PIK3C2G: variants seen among roughly 807,000 people sequenced by gnomAD.
The protein encoded by PIK3C2G is phosphatidylinositol 3-kinase C2 domain-containing subunit gamma.
In PIK3C2G, 168 loss-of-function variants were observed where a neutral mutation model predicts 181.1. The ratio of observed to expected loss-of-function variants is 0.93; its 90% CI spans 0.82 to 1.05. PIK3C2G has a LOEUF of 1.05. Ranked by LOEUF, PIK3C2G falls within the 50% of genes least tolerant of loss-of-function variation. The pLI is 0.00. For missense variants in PIK3C2G, 1,869 were observed against 1,732.8 expected, an observed-to-expected ratio of 1.08 and a Z score of -1.40; for synonymous variants, 573 against 592.2, an observed-to-expected ratio of 0.97 and a Z score of 0.47.
the PIK3C2G span, among the ~76,000 whole-genome samples, chr12:18,671,187 TAA>T: frequency 1.2e-4 from 16 of 134,080 alleles, no homozygotes; most frequent in Admixed American, 2.3e-4. Flanking sequence ...AGACTCCATC[TAA>T]AAAAAAAAAA....
At chr12:18,603,076 G>A (rs12823681) in intron 30 of PIK3C2G, among the ~76,000 whole-genome samples, 23,238 of 152,142 alleles carry the variant, frequency 0.15, 1,783 homozygotes, top group African/African-American at 0.18. Flanking sequence ...AAGCTAATCA[G>A]GGAAAGACCA....
intron 29 of PIK3C2G, among the ~76,000 whole-genome samples, chr12:18,583,528 C>T (rs1447117686): frequency 6.6e-6 from 1 of 151,912 alleles, no homozygotes; most frequent in Non-Finnish European, 1.5e-5. Context: ...GTTTTGCAGC[C>T]CTTGTCCTGC....
intron 31 of PIK3C2G, among the ~76,000 whole-genome samples, chr12:18,630,164 G>A (rs1949289358): frequency 6.6e-6 from 1 of 152,056 alleles, no homozygotes; most frequent in African/African-American, 2.4e-5. Flanking sequence ...ATAATCCCAG[G>A]CAGATTCCTT....
chr12:18,545,986 C>G lies in PIK3C2G; in HGVS notation c.3481-337C>G, dbSNP rs1048091717. On this transcript the variant is annotated intron_variant, in intron 25 of 32. Transcript: ENST00000538779. The stretch of plus-strand genomic sequence containing the variant: ...AGGTTAAGGAACTTTCTCAAAATCA[C>G]ATAGATTTTAAATGATGGGTCCACA... Among the ~76,000 whole-genome samples, 3 of 151,928 alleles carry G rather than the reference C, an allele frequency of 2.0e-5. No homozygotes were observed. In the East Asian group the frequency reaches 5.8e-4, roughly 30 times the overall value.
intron 18 of PIK3C2G, among the ~76,000 whole-genome samples, chr12:18,445,175 C>T (rs1289970008): frequency 6.6e-6 from 1 of 151,852 alleles, no homozygotes; most frequent in East Asian, 1.9e-4. Flanking sequence ...AATTCAGAGA[C>T]TTTTTTATAT....
At chr12:18,699,710 T>A in the PIK3C2G span, 4 of 1,352,202 alleles carry the variant, frequency 3.0e-6, no homozygotes, top group Non-Finnish European at 4.2e-6. Context: ...ATACATTTTA[T>A]AAATATCATT....
At chr12:18,716,024 C>A in the PIK3C2G span, among the ~76,000 whole-genome samples, 22 of 152,048 alleles carry the variant, frequency 1.4e-4, no homozygotes, top group African/African-American at 4.8e-4. Flanking sequence ...TGTAGAATTG[C>A]AAATGAATAT....
chr12:18,296,126 T>C (rs1456446788), intron 5 of PIK3C2G, among the ~76,000 whole-genome samples: 1 of 152,106 alleles, frequency 6.6e-6, no homozygotes, highest in Non-Finnish European at 1.5e-5. Context: ...ACTACAAACA[T>C]AGCACTGTTA....
Position 18,282,367 on chromosome 12 carries a change from C to G in PIK3C2G, c.286C>G (p.Leu96Val), listed in dbSNP as rs1244624451. The G allele has an allele frequency of 1.2e-6, 2 of 1,613,628 alleles. No homozygotes were observed. Among genetic ancestry groups the G allele is most frequent in the Non-Finnish European group, 8.5e-7 (1 of 1,179,634 alleles). Residue 96 changes from leucine (L) to valine (V), a missense_variant, in exon 2 of 33, where the codon CTC becomes GTC. Transcript: ENST00000538779. Reference sequence around the variant, plus strand: ...TGAATTCACTTCTAAAAGCCGTGAACTCTCCTGGCATCAAGTTAGCAAAGC... The same window carrying G: ...TGAATTCACTTCTAAAAGCCGTGAAGTCTCCTGGCATCAAGTTAGCAAAGC... Reference protein sequence around the residue: ...LNEFTSKSRELSWHQVSKAPA... With the variant: ...LNEFTSKSREVSWHQVSKAPA...
chr12:18,500,135 G>C (rs1941313758), intron 22 of PIK3C2G, among the ~76,000 whole-genome samples: 1 of 152,204 alleles, frequency 6.6e-6, no homozygotes, highest in African/African-American at 2.4e-5. Flanking sequence ...CAGCTTGCGG[G>C]GAGTTATGGA....
chr12:18,602,486 T>C (rs940562502), intron 30 of PIK3C2G, among the ~76,000 whole-genome samples: 1 of 151,266 alleles, frequency 6.6e-6, no homozygotes, highest in Non-Finnish European at 1.5e-5. Context: ...TTGTGGGAGT[T>C]CTAGGACCCC....
At chr12:18,293,196 C>T (rs1463031982) in intron 4 of PIK3C2G, among the ~76,000 whole-genome samples, 1 of 151,948 alleles carries the variant, frequency 6.6e-6, no homozygotes, top group Non-Finnish European at 1.5e-5. Flanking sequence ...TTTATGATAG[C>T]TTCGCACCAG....
upstream of PIK3C2G, among the ~76,000 whole-genome samples, chr12:18,243,766 AATGTG>A (rs1304378793): frequency 6.6e-6 from 1 of 152,018 alleles, no homozygotes; most frequent in Non-Finnish European, 1.5e-5. Context: ...AGAAACTCTA[AATGTG>A]ACACCCAGCT....
intron 24 of PIK3C2G, among the ~76,000 whole-genome samples, chr12:18,517,992 T>G (rs896899614): frequency 6.6e-6 from 1 of 152,212 alleles, no homozygotes; most frequent in Non-Finnish European, 1.5e-5. Flanking sequence ...GAGATAACCA[T>G]GTGGTTTTTG....
intron 16 of PIK3C2G, among the ~76,000 whole-genome samples, chr12:18,413,929 T>C (rs1273222911): frequency 6.6e-6 from 1 of 152,186 alleles, no homozygotes; most frequent in Non-Finnish European, 1.5e-5. Flanking sequence ...ATCAAGTTAC[T>C]GAGAATGAAA....
chr12:18,504,066 T>C (rs1941675415), intron 23 of PIK3C2G, among the ~76,000 whole-genome samples: 1 of 152,132 alleles, frequency 6.6e-6, no homozygotes, highest in African/African-American at 2.4e-5. Context: ...TAAATGCTAA[T>C]TCATGCAAAA....
intron 20 of PIK3C2G, among the ~76,000 whole-genome samples, chr12:18,495,781 C>A (rs991408759): frequency 1.3e-5 from 2 of 152,136 alleles, no homozygotes; most frequent in Non-Finnish European, 2.9e-5. Flanking sequence ...AAACCTCAAA[C>A]ATATCACTAC....
the PIK3C2G span, chr12:18,719,350 C>A: frequency 2.7e-6 from 2 of 741,994 alleles, no homozygotes; most frequent in Admixed American, 3.8e-5. Context: ...TTTTATTGTG[C>A]ACTCTTGCCT....
At chr12:18,365,091 C>T (rs908865825) in intron 12 of PIK3C2G, among the ~76,000 whole-genome samples, 5 of 152,136 alleles carry the variant, frequency 3.3e-5, no homozygotes, top group Non-Finnish European at 5.9e-5. Flanking sequence ...AATGCTAGTT[C>T]TGATACTTAC....
Sources: allele counts gnomAD v4.1 joint callset (sites outside exome capture counted in the v4.1 genomes callset), GRCh38; gene constraint gnomAD v4.1.1; transcripts MANE v1.5; gene names NCBI Gene and HGNC (gene_info 2026-07-23, HGNC 2026-07-21).